Variants in LARP1B observed in about 807,000 individuals in gnomAD.
The protein encoded by LARP1B is la-related protein 1B.
LARP1B carries 76 observed loss-of-function variants against 114.2 expected under a neutral mutation model. The ratio of observed to expected loss-of-function variants is 0.67; its 90% CI spans 0.55 to 0.81. The LOEUF is 0.81. Among genes scored for constraint, LARP1B ranks in the 30% least tolerant of loss-of-function variants. LARP1B has a pLI of 0.00. For missense variants in LARP1B, 1,014 were observed against 1,075.8 expected (o/e 0.94, Z 0.80); for synonymous variants, 345 against 348.0 (o/e 0.99, Z 0.10).
intron 8 of LARP1B, 41 bp downstream of exon 8, chr4:128,098,371 A>G: frequency 6.4e-7 from 1 of 1,553,164 alleles, no homozygotes; most frequent in South Asian, 1.2e-5. Context: ...TTTCTGCTCA[A>G]ATTTCCTTTG....
chr4:128,114,339 A>G (rs1561276744), intron 9 of LARP1B, among the ~76,000 whole-genome samples: 1 of 152,178 alleles, frequency 6.6e-6, no homozygotes, highest in Non-Finnish European at 1.5e-5. Flanking sequence ...GTTTACATGA[A>G]TGTAGTGGTC....
chr4:128,134,074 C>T (rs1792453188), intron 11 of LARP1B, among the ~76,000 whole-genome samples: 1 of 151,006 alleles, frequency 6.6e-6, no homozygotes, highest in Non-Finnish European at 1.5e-5. Flanking sequence ...CATCATGGCT[C>T]ACTGCAGTCT....
At chr4:128,220,679 C>G (rs1299373382) in intron 7 of LARP1B, among the ~76,000 whole-genome samples, 1 of 152,084 alleles carries the variant, frequency 6.6e-6, no homozygotes, top group Non-Finnish European at 1.5e-5. Flanking sequence ...TTGGTATTGT[C>G]CTTTCACTTA....
chr4:128,087,956 T>C lies in LARP1B; in HGVS notation c.359-3045T>C, dbSNP rs185357398. 4.9e-4 allele frequency among the ~76,000 whole-genome samples: 75 copies of C among 152,208 alleles called. 1 individual carries two copies. The East Asian group carries it at 0.012, about 23-fold the overall frequency. On this transcript the variant is annotated intron_variant, in intron 5 of 19. Coordinates refer to ENST00000326639, the MANE Select transcript of LARP1B (RefSeq NM_018078.4). ...TTTTAAGTTTTTATTCTAAAAGTAA[T>C]GGATTCTCATAATTTCATTAATTTT... is the stretch of plus-strand genomic sequence containing the variant.
At chr4:128,155,494 C>T in intron 11 of LARP1B, 1 of 787,878 alleles carries the variant, frequency 1.3e-6, no homozygotes, top group Non-Finnish European at 2.3e-6. Flanking sequence ...GCAGAAGTTC[C>T]ACCTCGTGCC....
Position 128,077,808 on chromosome 4 carries a change from A to G in LARP1B, c.63A>G (p.Gln21=). The change falls in exon 4 of 20, where the codon CAA becomes CAG. Residue 21 remains glutamine (Q), a synonymous_variant. Transcript: ENST00000326639. ...TGCAGTTTCAGAGCGTCCTCAGCCA[A>G]GGAAATAAAAAGCCACAAAATAGAA... ...VNTGFQSVLS[Q]GNKKPQNRKE... 1 of 1,598,958 alleles carries G rather than the reference A, an allele frequency of 6.3e-7. No individual in the cohort carries two copies. Among genetic ancestry groups the G allele is most frequent in the Non-Finnish European group, 8.5e-7 (1 of 1,175,604 alleles).
intron 11 of LARP1B, among the ~76,000 whole-genome samples, chr4:128,126,060 G>T (rs77811073): frequency 2.0e-5 from 3 of 151,216 alleles, no homozygotes; most frequent in Non-Finnish European, 4.4e-5. Context: ...GTGAGATCTC[G>T]CATGTGAGAA....
intron 11 of LARP1B, among the ~76,000 whole-genome samples, chr4:128,151,682 A>C (rs1393019032): frequency 6.6e-6 from 1 of 151,810 alleles, no homozygotes; most frequent in Non-Finnish European, 1.5e-5. Flanking sequence ...GGCTCACTGC[A>C]GGCTCTGCCT....
intron 5 of LARP1B, among the ~76,000 whole-genome samples, chr4:128,089,229 T>G (rs1173138161): frequency 6.6e-6 from 1 of 152,150 alleles, no homozygotes; most frequent in Non-Finnish European, 1.5e-5. Context: ...GTGCTAAGGT[T>G]GTAAAACCTT....
chr4:128,162,069 C>G (rs1738770497), intron 11 of LARP1B, 125 bp from the exon 12 acceptor site: 2 of 778,700 alleles, frequency 2.6e-6, no homozygotes, highest in East Asian at 5.3e-5. Flanking sequence ...ATTAGAACGT[C>G]TTTTTCACTC....
chr4:128,201,269 CA>C (rs1480227922), intron 17 of LARP1B, among the ~76,000 whole-genome samples: 2 of 152,178 alleles, frequency 1.3e-5, no homozygotes, highest in African/African-American at 4.8e-5. Flanking sequence ...GAGGGTACTA[CA>C]CAAGGTTGTT....
intron 1 of LARP1B, among the ~76,000 whole-genome samples, chr4:128,074,033 C>G (rs575608027): frequency 6.6e-6 from 1 of 152,078 alleles, no homozygotes; most frequent in South Asian, 2.1e-4. Flanking sequence ...CTCTGCCTCC[C>G]AGGTTCAAGC....
chr4:128,129,287 G>A (rs916662137), intron 11 of LARP1B, among the ~76,000 whole-genome samples: 22 of 148,002 alleles, frequency 1.5e-4, no homozygotes, highest in South Asian at 2.1e-4. Context: ...CCCGGAAGGC[G>A]GAGGGTGCAG....
At chr4:128,062,820 C>T (rs929126962) in intron 1 of LARP1B, among the ~76,000 whole-genome samples, 1 of 150,990 alleles carries the variant, frequency 6.6e-6, no homozygotes, top group Non-Finnish European at 1.5e-5. Context: ...TGTTAAATGA[C>T]GAGTTGATGG....
At chr4:128,061,518 G>A in intron 1 of LARP1B, 117 bp downstream of exon 1, 1 of 226,582 alleles carries the variant, frequency 4.4e-6, no homozygotes, top group Non-Finnish European at 7.3e-6. Flanking sequence ...GCGGGGAGGG[G>A]CGTCACGCCG....
intron 7 of LARP1B, chr4:128,092,832 T>C: frequency 1.0e-5 from 10 of 985,442 alleles, no homozygotes; most frequent in Non-Finnish European, 1.1e-5. Context: ...GCTTGACATG[T>C]GGCTGTCAAC....
intron 11 of LARP1B, chr4:128,123,709 C>G (rs1159604034): frequency 2.1e-6 from 2 of 966,788 alleles, no homozygotes; most frequent in Admixed American, 1.2e-4. Context: ...TATGCATTAA[C>G]CAAAGGAACC....
chr4:128,210,207 AAAAG>A lies in LARP1B; in HGVS notation c.*162_*165del, dbSNP rs1758731379. The A allele has an allele frequency of 5.6e-6, 8 of 1,433,384 alleles. No individual in the cohort carries two copies. Among genetic ancestry groups the A allele is most frequent in the East Asian group, 4.9e-5 (2 of 40,436 alleles). The allele number at this position is 1,433,384 out of a possible 1,614,324, so 88.8% of individuals were successfully genotyped here. On this transcript the variant is annotated 3_prime_UTR_variant, in exon 20 of 20. Coordinates refer to ENST00000326639, the MANE Select transcript of LARP1B (RefSeq NM_018078.4). ...TTAATTGTGATAATAAGAAAGAAGA[AAAAG>A]AAAGAAAAGTGGTAGCATTTTTTCT...
intron 11 of LARP1B, chr4:128,155,993 T>C: frequency 6.5e-7 from 1 of 1,547,430 alleles, no homozygotes; most frequent in Non-Finnish European, 8.8e-7. Context: ...GTACCTTGTA[T>C]CTCCCTTTCC....
Sources: gnomAD v4.1 joint callset for allele counts (sites outside exome capture counted in the v4.1 genomes callset) on GRCh38, gnomAD v4.1.1 for gene constraint, MANE v1.5 for transcripts, NCBI Gene and HGNC (gene_info 2026-07-23, HGNC 2026-07-21) for gene names.